TANC2: variants seen among roughly 807,000 people sequenced by gnomAD.
TANC2 encodes tetratricopeptide repeat, ankyrin repeat and coiled-coil containing 2.
Under a neutral mutation model 210.5 loss-of-function variants are expected in TANC2, and 26 were observed. The observed-to-expected ratio is 0.12, with a 90% CI of 0.09 to 0.17. The LOEUF is 0.17. TANC2 is among the 10% of genes least tolerant of loss of function. The probability of loss-of-function intolerance (pLI) is 1.00; values close to 1 mark genes in which losing one functional copy is unlikely to be tolerated. For missense variants in TANC2, 2,129 were observed against 2,608.9 expected (o/e 0.82, Z 4.01); for synonymous variants, 931 against 967.1 (o/e 0.96, Z 0.69).
At chr17:63,169,549 G>A (rs963875281) in intron 5 of TANC2, among the ~76,000 whole-genome samples, 5 of 152,146 alleles carry the variant, frequency 3.3e-5, no homozygotes, top group African/African-American at 9.7e-5. Flanking sequence ...TAAAATGGCC[G>A]GGCATGGTGG....
chr17:62,973,987 C>G (rs1017762769), intron 1 of TANC2, among the ~76,000 whole-genome samples: 3 of 152,176 alleles, frequency 2.0e-5, no homozygotes, highest in Non-Finnish European at 2.9e-5. Flanking sequence ...TAGTTGCTGT[C>G]GAGACCATAC....
At chr17:62,975,656 T>C (rs895587855) in intron 1 of TANC2, among the ~76,000 whole-genome samples, 4 of 151,898 alleles carry the variant, frequency 2.6e-5, no homozygotes, top group African/African-American at 9.7e-5. Context: ...GTTGTAAGTT[T>C]AGAAATTCCA....
intron 18 of TANC2, 176 bp downstream of exon 18, chr17:63,396,104 T>A (rs998859912): frequency 3.2e-6 from 2 of 616,358 alleles, no homozygotes; most frequent in African/African-American, 3.7e-5. Context: ...AATGCCAAAG[T>A]CCCTCAAATT....
chr17:63,339,956 A>G, intron 11 of TANC2, 145 bp from the exon 12 acceptor site: 1 of 637,414 alleles, frequency 1.6e-6, no homozygotes, highest in Non-Finnish European at 2.7e-6. Flanking sequence ...TTTACTTGGA[A>G]AAGTTGAGGA....
intron 2 of TANC2, among the ~76,000 whole-genome samples, chr17:63,011,241 G>GT (rs373743144): frequency 9.9e-5 from 15 of 151,410 alleles, no homozygotes; most frequent in Non-Finnish European, 1.9e-4. Context: ...GTGTGTGTGT[G>GT]TTTTTTTTAC....
intron 4 of TANC2, among the ~76,000 whole-genome samples, chr17:63,113,001 A>C (rs952274058): frequency 2.0e-5 from 3 of 152,180 alleles, no homozygotes; most frequent in Non-Finnish European, 4.4e-5. Flanking sequence ...TTACTTGCTT[A>C]ACTTCCCACC....
chr17:63,189,122 T>C (rs1452008781), intron 5 of TANC2, among the ~76,000 whole-genome samples: 1 of 152,250 alleles, frequency 6.6e-6, no homozygotes, highest in Non-Finnish European at 1.5e-5. Context: ...TCTTTTTTTT[T>C]CATGGCCAAA....
At chr17:62,989,973 C>T (rs564456860) in intron 1 of TANC2, among the ~76,000 whole-genome samples, 9 of 151,874 alleles carry the variant, frequency 5.9e-5, no homozygotes, top group Admixed American at 2.0e-4. Flanking sequence ...GGGGTTTCAC[C>T]GTCTTGGTCA....
rs534578704 is a variant in TANC2, at chr17:63,277,483, C to A, written c.1159+9610C>A. 1.1e-4 allele frequency among the ~76,000 whole-genome samples: 16 copies of A among 148,742 alleles called. No homozygotes were observed. In the South Asian group the frequency reaches 3.4e-3, roughly 32 times the overall value. On this transcript the variant is annotated intron_variant, in intron 9 of 27. Transcript: ENST00000689528. Reference sequence around the variant, plus strand: ...ATGCCTGGCTGCCAAAGTAATCTTTCTAAAATGCAGCTCAGAATCATGTCA... The same window carrying A: ...ATGCCTGGCTGCCAAAGTAATCTTTATAAAATGCAGCTCAGAATCATGTCA...
In TANC2 at chr17:63,333,480, A is replaced by G. The variant is rs1219273923; in HGVS notation, c.1576-6621A>G. ...TCATCTCTTGATAAAACTTGAATGGATGTGGGGTTGCTTCCTATGGAAGAG... is the reference window on the plus strand; with the variant it reads ...TCATCTCTTGATAAAACTTGAATGGGTGTGGGGTTGCTTCCTATGGAAGAG... On this transcript the variant is annotated intron_variant, in intron 11 of 27. Coordinates refer to ENST00000689528, the Ensembl canonical transcript of TANC2. Among the ~76,000 whole-genome samples, 8 of 152,286 alleles carry G rather than the reference A, an allele frequency of 5.3e-5. No individual in the cohort carries two copies. The South Asian group carries it at 1.7e-3, about 32-fold the overall frequency.
chr17:63,055,744 A>G (rs1359660620), intron 2 of TANC2, among the ~76,000 whole-genome samples: 1 of 150,014 alleles, frequency 6.7e-6, no homozygotes, highest in African/African-American at 2.5e-5. Flanking sequence ...GTAATGAAGG[A>G]ATAGTGTTAA....
At chr17:63,057,420 T>A (rs1456874904) in intron 2 of TANC2, among the ~76,000 whole-genome samples, 3 of 152,178 alleles carry the variant, frequency 2.0e-5, no homozygotes, top group African/African-American at 4.8e-5. Flanking sequence ...TTATAATTTT[T>A]TTCTTTTTAT....
intron 2 of TANC2, among the ~76,000 whole-genome samples, chr17:63,028,228 A>C (rs968908910): frequency 2.0e-5 from 3 of 152,158 alleles, no homozygotes; most frequent in Admixed American, 6.6e-5. Context: ...TTGAAGGAAC[A>C]AGTAACATTG....
intron 4 of TANC2, among the ~76,000 whole-genome samples, chr17:63,120,425 A>G (rs1343240383): frequency 6.6e-6 from 1 of 152,188 alleles, no homozygotes; most frequent in African/African-American, 2.4e-5. Flanking sequence ...GCAGAGTTCT[A>G]TGAAAAAAAT....
In TANC2 at chr17:63,284,803, C is replaced by T. The variant is rs145146757; in HGVS notation, c.1159+16930C>T. Reference sequence around the variant, plus strand: ...TATCCTTGCTGATTTTCTACTTGTTCGCTTAATTATTAGAAGAGAGACATT... The same window carrying T: ...TATCCTTGCTGATTTTCTACTTGTTTGCTTAATTATTAGAAGAGAGACATT... On this transcript the variant is annotated intron_variant, in intron 9 of 27. Coordinates refer to ENST00000689528, the Ensembl canonical transcript of TANC2. 3.8e-4 allele frequency among the ~76,000 whole-genome samples: 58 copies of T among 151,938 alleles called. 1 individual carries two copies. The East Asian group carries it at 9.9e-3, about 26-fold the overall frequency.
chr17:63,338,457 C>T (rs1342449629), intron 11 of TANC2, among the ~76,000 whole-genome samples: 4 of 152,186 alleles, frequency 2.6e-5, no homozygotes, highest in African/African-American at 9.7e-5. Context: ...TTAGCCTCAA[C>T]ATGTGGAATC....
intron 9 of TANC2, among the ~76,000 whole-genome samples, chr17:63,292,364 A>G (rs1292974134): frequency 6.6e-6 from 1 of 152,260 alleles, no homozygotes; most frequent in East Asian, 1.9e-4. Context: ...AGCCCAAGAA[A>G]GGAGGCTATT....
chr17:63,181,015 C>T (rs1224248690), intron 5 of TANC2, among the ~76,000 whole-genome samples: 2 of 107,320 alleles, frequency 1.9e-5, no homozygotes, highest in East Asian at 5.4e-4. Flanking sequence ...CAGAGTGAGA[C>T]TCCATCTCAA....
intron 5 of TANC2, chr17:63,152,983 C>A (rs920042002): frequency 6.6e-6 from 1 of 152,088 alleles, no homozygotes; most frequent in African/African-American, 2.4e-5. Flanking sequence ...AACACAATAT[C>A]AAAGTGCTGC....
Sources: gnomAD v4.1 joint callset for allele counts (sites outside exome capture counted in the v4.1 genomes callset) on GRCh38, gnomAD v4.1.1 for gene constraint, MANE v1.5 for transcripts, NCBI Gene and HGNC (gene_info 2026-07-23, HGNC 2026-07-21) for gene names.